The following PGCKA1 variants were observed in gnomAD, a reference collection of about 807,000 sequenced individuals.
PGCKA1 encodes PDCD10 and GCKIII kinases-associated protein 1.
chr4:37,572,664 G>C, the PGCKA1 span, among the ~76,000 whole-genome samples: 2 of 152,132 alleles, frequency 1.3e-5, no homozygotes, highest in Non-Finnish European at 2.9e-5. Context: ...TGGAATATTT[G>C]CATGTATATC....
the PGCKA1 span, among the ~76,000 whole-genome samples, chr4:37,484,698 T>C: frequency 6.6e-6 from 1 of 152,228 alleles, no homozygotes; most frequent in Non-Finnish European, 1.5e-5. Flanking sequence ...TATTTCTTTA[T>C]AGCAATGAAA....
the PGCKA1 span, among the ~76,000 whole-genome samples, chr4:37,554,610 A>T: frequency 6.6e-6 from 1 of 152,180 alleles, no homozygotes; most frequent in Non-Finnish European, 1.5e-5. Context: ...AGCCTCCCAA[A>T]GTGCTGGGAT....
At chr4:37,490,256 T>C in the PGCKA1 span, among the ~76,000 whole-genome samples, 1 of 152,168 alleles carries the variant, frequency 6.6e-6, no homozygotes, top group Non-Finnish European at 1.5e-5. Flanking sequence ...TAGGAATAGA[T>C]TAACTGACTT....
At chr4:37,529,398 G>C in the PGCKA1 span, among the ~76,000 whole-genome samples, 2 of 152,016 alleles carry the variant, frequency 1.3e-5, no homozygotes, top group Non-Finnish European at 2.9e-5. Flanking sequence ...ATGTACTATT[G>C]ATGCTATAAA....
chr4:37,484,650 A>AT, the PGCKA1 span, among the ~76,000 whole-genome samples: 1 of 152,198 alleles, frequency 6.6e-6, no homozygotes. Context: ...CTGTGAGCTA[A>AT]TTACATCTCT....
chr4:37,548,036 A>C, the PGCKA1 span, among the ~76,000 whole-genome samples: 1 of 151,660 alleles, frequency 6.6e-6, no homozygotes. Context: ...GGGGAGGCAG[A>C]ATTTATATCA....
At chr4:37,523,899 G>A in the PGCKA1 span, among the ~76,000 whole-genome samples, 1 of 152,092 alleles carries the variant, frequency 6.6e-6, no homozygotes. Context: ...CTTTCTATAA[G>A]GGCATTAATC....
the PGCKA1 span, among the ~76,000 whole-genome samples, chr4:37,472,794 C>T: frequency 3.3e-5 from 5 of 152,134 alleles, no homozygotes; most frequent in Non-Finnish European, 7.4e-5. Context: ...CTTCTATGAC[C>T]AGTCCCTATT....
At chr4:37,566,068 G>A in the PGCKA1 span, among the ~76,000 whole-genome samples, 1 of 151,996 alleles carries the variant, frequency 6.6e-6, no homozygotes, top group Admixed American at 6.6e-5. Flanking sequence ...GAGCTATTGT[G>A]GGACCTTGTG....
At chr4:37,585,898 C>T in the PGCKA1 span, among the ~76,000 whole-genome samples, 1 of 151,706 alleles carries the variant, frequency 6.6e-6, no homozygotes. Flanking sequence ...CAATTGGTGT[C>T]ACAGTTGATA....
the PGCKA1 span, among the ~76,000 whole-genome samples, chr4:37,492,867 C>G: frequency 3.2e-4 from 49 of 152,140 alleles, no homozygotes; most frequent in Non-Finnish European, 7.2e-4. The surrounding 1 kb of genome is among the most constrained non-coding windows in gnomAD (Gnocchi z 4.7). Flanking sequence ...TGCCACCGAT[C>G]CTAGTGCCTT....
the PGCKA1 span, among the ~76,000 whole-genome samples, chr4:37,486,116 G>T: frequency 6.6e-6 from 1 of 152,124 alleles, no homozygotes; most frequent in Admixed American, 6.5e-5. Flanking sequence ...TCTTTCTAGT[G>T]CTGCCACGTC....
At chr4:37,467,636 A>G in the PGCKA1 span, among the ~76,000 whole-genome samples, 1 of 152,250 alleles carries the variant, frequency 6.6e-6, no homozygotes, top group African/African-American at 2.4e-5. Flanking sequence ...TAAGAGCAAG[A>G]CCAAGACTAG....
chr4:37,461,503 G>T, the PGCKA1 span, among the ~76,000 whole-genome samples: 2 of 151,920 alleles, frequency 1.3e-5, no homozygotes, highest in Non-Finnish European at 2.9e-5. Flanking sequence ...TTAAGCAGTG[G>T]TTTCTAGTTC....
At chr4:37,513,001 T>A in the PGCKA1 span, among the ~76,000 whole-genome samples, 1 of 150,934 alleles carries the variant, frequency 6.6e-6, no homozygotes, top group Non-Finnish European at 1.5e-5. Flanking sequence ...GGTAGGAGAA[T>A]CGCTTGAACC....
At chr4:37,460,258 T>G in the PGCKA1 span, among the ~76,000 whole-genome samples, 3 of 152,244 alleles carry the variant, frequency 2.0e-5, no homozygotes, top group Non-Finnish European at 2.9e-5. Context: ...TTGGGTTGAT[T>G]CCACGTCTTT....
At chr4:37,524,679 A>G in the PGCKA1 span, among the ~76,000 whole-genome samples, 2 of 152,242 alleles carry the variant, frequency 1.3e-5, no homozygotes, top group African/African-American at 4.8e-5. Context: ...GGTACTTAAT[A>G]ACCAAGAGTG....
the PGCKA1 span, among the ~76,000 whole-genome samples, chr4:37,552,543 A>G: frequency 6.6e-6 from 1 of 152,226 alleles, no homozygotes; most frequent in Non-Finnish European, 1.5e-5. Flanking sequence ...TACTATGTGT[A>G]ATAAACATAT....
At chr4:37,582,249 TA>T in the PGCKA1 span, among the ~76,000 whole-genome samples, 1 of 152,148 alleles carries the variant, frequency 6.6e-6, no homozygotes, top group Non-Finnish European at 1.5e-5. Flanking sequence ...TTTTGGTTCT[TA>T]TAAAGGTGCT....
Sources: allele counts gnomAD v4.1 joint callset (sites outside exome capture counted in the v4.1 genomes callset), GRCh38; gene constraint gnomAD v4.1.1; non-coding constraint Gnocchi (gnomAD v3.1); transcripts MANE v1.5; gene names NCBI Gene and HGNC (gene_info 2026-07-23, HGNC 2026-07-21).